The following DLGAP2 variants were observed in gnomAD, a reference collection of about 807,000 sequenced individuals.
The protein encoded by DLGAP2 is disks large-associated protein 2.
DLGAP2 carries 26 observed loss-of-function variants against 100.3 expected under a neutral mutation model. That is an observed-to-expected ratio of 0.26 (90% CI 0.19 to 0.36). DLGAP2 has a LOEUF of 0.36. DLGAP2 is among the 10% of genes least tolerant of loss of function. The pLI, the probability that DLGAP2 is intolerant of heterozygous loss-of-function variation, is 1.00. For synonymous variants in DLGAP2, 886 were observed against 630.1 expected (o/e 1.41, Z -6.08); for missense variants, 1,858 against 1,453.2 (o/e 1.28, Z -4.53).
chr8:1,200,178 T>C (rs2116755353), intron 2 of DLGAP2, among the ~76,000 whole-genome samples: 1 of 152,224 alleles, frequency 6.6e-6, no homozygotes, highest in Non-Finnish European at 1.5e-5. Flanking sequence ...GCCCCCGTGC[T>C]CTCCTCCCCA....
In DLGAP2 at chr8:778,100, C is replaced by T. The variant is rs528024784; in HGVS notation, c.18+40275C>T. Among the ~76,000 whole-genome samples the T allele has an allele frequency of 1.2e-4, 18 of 152,180 alleles. No homozygotes were observed. In the South Asian group the frequency reaches 3.1e-3, roughly 26 times the overall value. Reference sequence around the variant, plus strand: ...TCTCGTTTCATTTCTTTCATTTCATCTTCCACCGCTGATACCCTTTCTTCC... The same window carrying T: ...TCTCGTTTCATTTCTTTCATTTCATTTTCCACCGCTGATACCCTTTCTTCC... On this transcript the variant is annotated intron_variant, in intron 1 of 14. Transcript: ENST00000637795.
At chr8:941,969 G>C (rs1012039631) in intron 2 of DLGAP2, among the ~76,000 whole-genome samples, 1 of 152,134 alleles carries the variant, frequency 6.6e-6, no homozygotes. Context: ...TCATCAGTGG[G>C]AATGTTTTTG....
At chr8:859,571 C>T (rs1797350340) in intron 1 of DLGAP2, among the ~76,000 whole-genome samples, 1 of 152,172 alleles carries the variant, frequency 6.6e-6, no homozygotes, top group Non-Finnish European at 1.5e-5. Flanking sequence ...GGCCCATCGC[C>T]CCCTGCCCAA....
At chr8:1,656,269 C>G (rs1798282811) in intron 8 of DLGAP2, among the ~76,000 whole-genome samples, 1 of 151,596 alleles carries the variant, frequency 6.6e-6, no homozygotes, top group Non-Finnish European at 1.5e-5. Context: ...GAGATCGTGC[C>G]ACTGCATTCC....
chr8:801,330 G>C (rs1429763441), intron 1 of DLGAP2, among the ~76,000 whole-genome samples: 1 of 152,224 alleles, frequency 6.6e-6, no homozygotes, highest in East Asian at 1.9e-4. Context: ...GTGGACCTTA[G>C]GGCCTTGGAT....
chr8:1,590,798 G>A (rs1428724549), intron 6 of DLGAP2, among the ~76,000 whole-genome samples: 2 of 152,118 alleles, frequency 1.3e-5, no homozygotes, highest in Non-Finnish European at 2.9e-5. Flanking sequence ...CCCGTTCGGA[G>A]GCTCCCTCTG....
intron 6 of DLGAP2, among the ~76,000 whole-genome samples, chr8:1,617,534 A>G (rs1018221947): frequency 2.0e-5 from 3 of 152,200 alleles, no homozygotes; most frequent in African/African-American, 7.2e-5. Flanking sequence ...TCGTTTGAAA[A>G]GTGTCTGTTC....
intron 3 of DLGAP2, among the ~76,000 whole-genome samples, chr8:1,274,031 A>G (rs1163514739): frequency 1.3e-5 from 2 of 152,216 alleles, no homozygotes; most frequent in African/African-American, 2.4e-5. Context: ...CAATTTAAAT[A>G]AAAGCTTTGA....
At chr8:759,183 C>A (rs1210282451) in intron 1 of DLGAP2, among the ~76,000 whole-genome samples, 1 of 115,138 alleles carries the variant, frequency 8.7e-6, no homozygotes, top group African/African-American at 2.9e-5. Flanking sequence ...GTTATCAATA[C>A]CCCCGACAGC....
chr8:1,422,379 C>G (rs1797115559), intron 3 of DLGAP2, among the ~76,000 whole-genome samples: 1 of 152,112 alleles, frequency 6.6e-6, no homozygotes, highest in Non-Finnish European at 1.5e-5. Flanking sequence ...TTACACAACT[C>G]AAGTCTTAAT....
Position 1,335,494 on chromosome 8 carries a change from C to T in DLGAP2, c.106+76611C>T, listed in dbSNP as rs371178309. ...CCTCTGGAGGAATGGGTAATAATCA[C>T]GTTGCAATATCGGACATGATGGCCC... On this transcript the variant is annotated intron_variant, in intron 3 of 14. Transcript: ENST00000637795. 1.6e-4 allele frequency among the ~76,000 whole-genome samples: 24 copies of T among 152,246 alleles called. No individual in the cohort carries two copies. The South Asian group carries it at 1.9e-3, about 12-fold the overall frequency.
At chr8:1,069,112 C>A (rs1006776134) in intron 2 of DLGAP2, among the ~76,000 whole-genome samples, 1 of 152,242 alleles carries the variant, frequency 6.6e-6, no homozygotes, top group African/African-American at 2.4e-5. Context: ...GCTGACGCGG[C>A]AGCAGCATTC....
chr8:1,502,264 GT>G (rs564811026), intron 4 of DLGAP2, among the ~76,000 whole-genome samples: 20 of 152,308 alleles, frequency 1.3e-4, no homozygotes, highest in African/African-American at 4.6e-4. Flanking sequence ...TCAGGGCTGG[GT>G]CTCGGATCAT....
chr8:1,549,319 C>G lies in DLGAP2; in HGVS notation c.866C>G (p.Pro289Arg). The G allele has an allele frequency of 6.2e-7, 1 of 1,612,986 alleles. No individual in the cohort carries two copies. Among genetic ancestry groups the G allele is most frequent in the Non-Finnish European group, 8.5e-7 (1 of 1,179,674 alleles). Residue 289 changes from proline to arginine, a missense_variant, in exon 5 of 15, where the codon CCC (proline) becomes CGC (arginine). Coordinates refer to ENST00000637795, the MANE Select transcript of DLGAP2 (RefSeq NM_001346810.2). ...KSKERKPEGK[P>R]RPGMSSWWSS... is the part of the protein sequence containing the mutation. ...AAGGAGCGCAAGCCGGAGGGCAAGCCCCGGCCCGGCATGAGCAGCTGGTGG... is the reference window on the plus strand; with the variant it reads ...AAGGAGCGCAAGCCGGAGGGCAAGCGCCGGCCCGGCATGAGCAGCTGGTGG...
At chr8:1,218,681 T>G (rs1184799136) in intron 2 of DLGAP2, among the ~76,000 whole-genome samples, 1 of 152,152 alleles carries the variant, frequency 6.6e-6, no homozygotes, top group Non-Finnish European at 1.5e-5. Flanking sequence ...ATGTTGGTAG[T>G]TTGATAGGAA....
intron 2 of DLGAP2, among the ~76,000 whole-genome samples, chr8:1,203,672 C>T (rs138012957): frequency 6.6e-6 from 1 of 152,206 alleles, no homozygotes; most frequent in East Asian, 1.9e-4. Flanking sequence ...GTGCGAAGAA[C>T]TGAGTTTATA....
intron 8 of DLGAP2, among the ~76,000 whole-genome samples, chr8:1,654,191 A>G (rs911706725): frequency 6.6e-6 from 1 of 152,218 alleles, no homozygotes; most frequent in Non-Finnish European, 1.5e-5. Flanking sequence ...GCACATGCAC[A>G]TATGGAGAGA....
chr8:1,137,220 C>A (rs1001965882), intron 2 of DLGAP2: 4 of 152,268 alleles, frequency 2.6e-5, no homozygotes, highest in Non-Finnish European at 5.9e-5. Flanking sequence ...GGCATCTGTT[C>A]CCCTTGTTAC....
intron 3 of DLGAP2, among the ~76,000 whole-genome samples, chr8:1,416,215 G>A (rs1395555167): frequency 6.6e-6 from 1 of 152,172 alleles, no homozygotes; most frequent in Non-Finnish European, 1.5e-5. Flanking sequence ...TCAATACAGA[G>A]TGGCGACCAG....
Sources: gnomAD v4.1 joint callset for allele counts (sites outside exome capture counted in the v4.1 genomes callset) on GRCh38, gnomAD v4.1.1 for gene constraint, MANE v1.5 for transcripts, NCBI Gene and HGNC (gene_info 2026-07-23, HGNC 2026-07-21) for gene names.